The following TRPC6 variants were observed in gnomAD, a reference collection of about 807,000 sequenced individuals.
The protein encoded by TRPC6 is transient receptor potential cation channel subfamily C member 6.
TRPC6 carries 55 observed loss-of-function variants against 90.7 expected under a neutral mutation model. The ratio of observed to expected loss-of-function variants is 0.61; its 90% CI spans 0.49 to 0.76. The LOEUF is 0.76. Among genes scored for constraint, TRPC6 ranks in the 30% least tolerant of loss-of-function variants. TRPC6 has a pLI of 0.00. For missense variants in TRPC6, 989 were observed against 1,122.7 expected, an observed-to-expected ratio of 0.88 and a Z score of 1.70; for synonymous variants, 393 against 393.0, an observed-to-expected ratio of 1.00 and a Z score of 0.00.
chr11:101,545,932 C>T (rs1252661686), intron 1 of TRPC6, among the ~76,000 whole-genome samples: 2 of 151,366 alleles, frequency 1.3e-5, no homozygotes, highest in Non-Finnish European at 2.9e-5. Flanking sequence ...ATTTGCTTGC[C>T]TATGATGTTC....
At chr11:101,519,559 A>G (rs1860604624) in intron 1 of TRPC6, among the ~76,000 whole-genome samples, 1 of 151,892 alleles carries the variant, frequency 6.6e-6, no homozygotes, top group Admixed American at 6.6e-5. Flanking sequence ...TATCTGCTTC[A>G]CCCATCTTGA....
intron 1 of TRPC6, among the ~76,000 whole-genome samples, chr11:101,541,852 A>G (rs1035641894): frequency 6.6e-6 from 1 of 152,238 alleles, no homozygotes; most frequent in African/African-American, 2.4e-5. Flanking sequence ...GGTAACGACA[A>G]TGGGCTCTCA....
intron 1 of TRPC6, among the ~76,000 whole-genome samples, chr11:101,528,621 T>C (rs956787040): frequency 1.1e-4 from 16 of 152,204 alleles, no homozygotes; most frequent in South Asian, 2.1e-4. Context: ...CTAACTCTTA[T>C]GTGTAGTCTG....
intron 1 of TRPC6, among the ~76,000 whole-genome samples, chr11:101,509,856 T>C (rs964719738): frequency 1.3e-5 from 2 of 152,184 alleles, no homozygotes; most frequent in African/African-American, 4.8e-5. Context: ...CTCTGTCAAC[T>C]ATATATGAGT....
intron 3 of TRPC6, among the ~76,000 whole-genome samples, chr11:101,490,752 G>C (rs1470005046): frequency 6.6e-6 from 1 of 152,170 alleles, no homozygotes; most frequent in African/African-American, 2.4e-5. Flanking sequence ...CATTGTGCCC[G>C]GCCAGCTTTT....
intron 1 of TRPC6, among the ~76,000 whole-genome samples, chr11:101,561,799 T>C (rs1373075177): frequency 4.6e-5 from 7 of 151,320 alleles, no homozygotes; most frequent in African/African-American, 1.7e-4. Flanking sequence ...TAAAAATATA[T>C]GTAATATAGA....
At chr11:101,501,991 G>A (rs2136734911) in intron 2 of TRPC6, among the ~76,000 whole-genome samples, 2 of 152,196 alleles carry the variant, frequency 1.3e-5, no homozygotes, top group Middle Eastern at 6.8e-3. Context: ...CATAGAGGCA[G>A]GGCATTAGCA....
intron 1 of TRPC6, among the ~76,000 whole-genome samples, chr11:101,566,587 C>G (rs1383976426): frequency 2.0e-5 from 3 of 152,154 alleles, no homozygotes; most frequent in Non-Finnish European, 4.4e-5. Flanking sequence ...ATCAAGGTTG[C>G]TGGCAAGATG....
chr11:101,494,307 G>A (rs776225053), intron 2 of TRPC6, among the ~76,000 whole-genome samples: 1 of 152,050 alleles, frequency 6.6e-6, no homozygotes, highest in Non-Finnish European at 1.5e-5. Context: ...ATGAAGTAGG[G>A]GTTCTTATTA....
At position 101,472,331 on chromosome 11, in the gene TRPC6, C is replaced by T; in HGVS notation, c.2011G>A (p.Val671Ile). 1 of 1,611,540 alleles carries T rather than the reference C, an allele frequency of 6.2e-7. No homozygotes were observed. The change falls in exon 8 of 13, where the codon GTT (valine) becomes ATT (isoleucine). Residue 671 changes from valine (V) to isoleucine (I), a missense_variant and splice_region_variant. By Grantham distance (29) the Val-to-Ile change is conservative (BLOSUM62 3). Coordinates refer to ENST00000344327, the MANE Select transcript of TRPC6 (RefSeq NM_004621.6). ...AACAGTGTCTTAAAACTCTCTTCAA[C>T]TCTGGGGAAAAAATAACAGAAGAAA... ...GAKQNEAFTT[V>I]EESFKTLFWA...
intron 1 of TRPC6, among the ~76,000 whole-genome samples, chr11:101,524,957 A>T (rs1023549718): frequency 2.0e-5 from 3 of 152,216 alleles, no homozygotes; most frequent in Non-Finnish European, 4.4e-5. Context: ...ATGCCTTAGA[A>T]ATAAAGTAGC....
rs1249371525 is a variant in TRPC6 at position 101,573,927 on chromosome 11, T to TGTGTGTGTGTG, written c.170+9396_170+9406dup. Among the ~76,000 whole-genome samples the TGTGTGTGTGTG allele has an allele frequency of 2.1e-4, 24 of 116,770 alleles. 1 individual carries two copies. The highest frequency in any genetic ancestry group is 7.5e-4 in the African/African-American group (24 of 32,156). 76.6% of individuals were successfully genotyped at this position (116,770 alleles called of 152,430 possible). ...CAAGCCTAAGAAACAAATACGTGTG[T>TGTGTGTGTGTG]GTGTGTGTGTGTGTGTGTGTGTGTG... On this transcript the variant is annotated intron_variant, in intron 1 of 12. Coordinates refer to ENST00000344327, the MANE Select transcript of TRPC6 (RefSeq NM_004621.6).
intron 1 of TRPC6, among the ~76,000 whole-genome samples, chr11:101,557,949 T>C (rs1030638724): frequency 6.6e-6 from 1 of 152,084 alleles, no homozygotes; most frequent in Non-Finnish European, 1.5e-5. Flanking sequence ...GCCAAAGTGA[T>C]CTACAGATTA....
Position 101,491,617 on chromosome 11 carries a change from C to T in TRPC6, c.1067G>A (p.Gly356Asp), listed in dbSNP as rs1859813248. The T allele has an allele frequency of 1.2e-6, 2 of 1,613,808 alleles. No individual in the cohort carries two copies. Among genetic ancestry groups the T allele is most frequent in the South Asian group, 2.2e-5 (2 of 91,076 alleles). The change falls in exon 3 of 13, where the codon GGT becomes GAT. Residue 356 changes from glycine to aspartate, a missense_variant. Coordinates refer to ENST00000344327, the MANE Select transcript of TRPC6 (RefSeq NM_004621.6). ...LNGDVETLQS[G>D]DHGRPNLSRL... ...GCTGAGATTTGGGCGACCGTGATCA[C>T]CACTCTGGAGCGTTTCAACATCCCC...
intron 4 of TRPC6, among the ~76,000 whole-genome samples, chr11:101,486,084 CTTGTT>C (rs10567537): frequency 0.35 from 53,114 of 151,202 alleles, 10,582 homozygotes; most frequent in African/African-American, 0.54. Context: ...TTGGTGTTTT[CTTGTT>C]TTGTTTTGTT....
At chr11:101,560,050 T>C (rs1215914281) in intron 1 of TRPC6, among the ~76,000 whole-genome samples, 1 of 152,156 alleles carries the variant, frequency 6.6e-6, no homozygotes, top group Non-Finnish European at 1.5e-5. Context: ...AAAACCTGTA[T>C]GACAACAAGA....
At chr11:101,533,326 G>C (rs1031300100) in intron 1 of TRPC6, among the ~76,000 whole-genome samples, 1 of 152,194 alleles carries the variant, frequency 6.6e-6, no homozygotes, top group African/African-American at 2.4e-5. Context: ...AGCGGAAACA[G>C]GCACATCACA....
chr11:101,477,486 C>A (rs1472471803), intron 5 of TRPC6, among the ~76,000 whole-genome samples: 2 of 152,022 alleles, frequency 1.3e-5, no homozygotes, highest in Non-Finnish European at 2.9e-5. Flanking sequence ...ACAGTGACAG[C>A]CTAGATGGGA....
intron 10 of TRPC6, among the ~76,000 whole-genome samples, chr11:101,466,368 GACTGGGGCTACTGCCTTT>G: frequency 6.6e-6 from 1 of 152,356 alleles, no homozygotes; most frequent in Non-Finnish European, 1.5e-5. Flanking sequence ...GTAAGTCCCT[GACTGGGGCTACTGCCTTT>G]CTTTCAGAGA....
Sources: allele counts gnomAD v4.1 joint callset (sites outside exome capture counted in the v4.1 genomes callset), GRCh38; gene constraint gnomAD v4.1.1; transcripts MANE v1.5; gene names NCBI Gene and HGNC (gene_info 2026-07-23, HGNC 2026-07-21).